COL25A1: variants seen among roughly 807,000 people sequenced by gnomAD.
The protein encoded by COL25A1 is collagen type XXV alpha 1 chain, also known as collagen alpha-1(XXV) chain.
COL25A1 carries 103 observed loss-of-function variants against 128.4 expected under a neutral mutation model. The ratio of observed to expected loss-of-function variants is 0.80; its 90% CI spans 0.68 to 0.94. COL25A1 has a LOEUF of 0.94. COL25A1 is among the 40% of genes least tolerant of loss of function. The probability of loss-of-function intolerance (pLI) is 0.00; values close to 1 mark genes in which losing one functional copy is unlikely to be tolerated. For missense variants in COL25A1, 745 were observed against 840.0 expected, an observed-to-expected ratio of 0.89 and a Z score of 1.40; for synonymous variants, 279 against 277.2, an observed-to-expected ratio of 1.01 and a Z score of -0.06.
At chr4:109,090,664 G>A (rs116512016) in intron 3 of COL25A1, among the ~76,000 whole-genome samples, 4 of 152,204 alleles carry the variant, frequency 2.6e-5, no homozygotes, top group African/African-American at 7.2e-5. Context: ...TTACTACTTA[G>A]TTTCACCCAC....
intron 6 of COL25A1, among the ~76,000 whole-genome samples, chr4:109,006,378 A>ATTTTTTTTTTTTTTTTTTTTTTTTTTT (rs56845799): frequency 1.3e-4 from 7 of 51,874 alleles, no homozygotes; most frequent in East Asian, 8.6e-4. Context: ...CACCCAGCTA[A>ATTTTTTTTTTTTTTTTTTTTTTTTTTT]TTTTTTTTTT....
intron 13 of COL25A1, among the ~76,000 whole-genome samples, chr4:108,910,580 A>G (rs558038293): frequency 7.9e-5 from 12 of 152,334 alleles, no homozygotes; most frequent in African/African-American, 2.9e-4. Context: ...CGGCAAAGCT[A>G]GGGTTTTCTG....
intron 8 of COL25A1, among the ~76,000 whole-genome samples, chr4:108,944,110 A>G (rs1296023506): frequency 6.6e-6 from 1 of 152,196 alleles, no homozygotes; most frequent in Non-Finnish European, 1.5e-5. Flanking sequence ...TTTGACTCTC[A>G]GTCTTCGGTA....
intron 3 of COL25A1, among the ~76,000 whole-genome samples, chr4:109,102,970 T>C (rs534994487): frequency 3.3e-5 from 5 of 152,304 alleles, no homozygotes; most frequent in Non-Finnish European, 7.4e-5. Flanking sequence ...TAACTTGCTG[T>C]GTATTTAAGC....
chr4:109,105,429 G>A (rs7696508), intron 3 of COL25A1, among the ~76,000 whole-genome samples: 16,724 of 152,180 alleles, frequency 0.11, 1,170 homozygotes, highest in African/African-American at 0.19. Context: ...AGCCAAGATC[G>A]TGCCACTGCA....
intron 13 of COL25A1, among the ~76,000 whole-genome samples, chr4:108,911,881 C>T (rs1452830750): frequency 1.4e-5 from 2 of 146,540 alleles, no homozygotes; most frequent in Admixed American, 6.9e-5. Flanking sequence ...CAATCCCAAT[C>T]GTTCAACTGT....
intron 3 of COL25A1, among the ~76,000 whole-genome samples, chr4:109,210,244 C>CA (rs1265609105): frequency 6.6e-6 from 1 of 151,938 alleles, no homozygotes; most frequent in Non-Finnish European, 1.5e-5. Context: ...ATATGGTTGT[C>CA]AAAAAACTCC....
At chr4:109,027,691 A>C (rs1758435561) in intron 5 of COL25A1, among the ~76,000 whole-genome samples, 1 of 151,924 alleles carries the variant, frequency 6.6e-6, no homozygotes, top group South Asian at 2.1e-4. Flanking sequence ...CCAAGGAGGT[A>C]AAAAGTGGTC....
At chr4:109,079,864 A>T (rs1371067731) in intron 3 of COL25A1, among the ~76,000 whole-genome samples, 2 of 148,142 alleles carry the variant, frequency 1.4e-5, no homozygotes, top group Non-Finnish European at 3.0e-5. Context: ...ATAATTAGAG[A>T]CTACAGGGGC....
At chr4:109,095,116 G>A (rs1443921751) in intron 3 of COL25A1, among the ~76,000 whole-genome samples, 1 of 152,184 alleles carries the variant, frequency 6.6e-6, no homozygotes, top group African/African-American at 2.4e-5. Context: ...AAAAGTTCAA[G>A]CACATGTAAC....
intron 3 of COL25A1, among the ~76,000 whole-genome samples, chr4:109,224,972 A>G (rs2126213878): frequency 6.6e-6 from 1 of 152,232 alleles, no homozygotes; most frequent in South Asian, 2.1e-4. Flanking sequence ...CTATACAAGC[A>G]TACATACAAA....
At position 108,937,938 on chromosome 4, in the gene COL25A1, G is replaced by A. The variant is rs111978589; in HGVS notation, c.673-95C>T. The A allele has an allele frequency of 8.1e-4, 738 of 916,716 alleles. 3 individuals carry two copies. In the African/African-American group the frequency reaches 0.011, roughly 13 times the overall value. The allele number at this position is 916,716 out of a possible 1,614,324, so 56.8% of individuals were successfully genotyped here. ...TCTTCTTTGACTGGGGCATGTAAAT[G>A]TCAAATATATTTCTTCAGGTTAAAT... On this transcript the variant is annotated intron_variant, in intron 10 of 37. Coordinates refer to ENST00000399132, the MANE Select transcript of COL25A1 (RefSeq NM_198721.4).
In COL25A1 at chr4:108,860,938, G is replaced by C. The variant is rs765705890; in HGVS notation, c.1231C>G (p.Gln411Glu). The change falls in exon 23 of 38, where the codon CAG becomes GAG. Residue 411 changes from glutamine to glutamate, a missense_variant. Coordinates refer to ENST00000399132, the MANE Select transcript of COL25A1 (RefSeq NM_198721.4). ...AGAGGAACACTCACCCTTGGTCCCT[G>C]AGCTCCAGAGTCCCCTTTTTCTCCA... Reference protein sequence around the residue: ...DRGEKGDSGAQGPRGPPGQKG... With the variant: ...DRGEKGDSGAEGPRGPPGQKG... 6.8e-6 allele frequency: 11 copies of C among 1,613,782 alleles called. No homozygotes were observed. The South Asian group carries it at 1.2e-4, about 18-fold the overall frequency.
At chr4:109,120,579 C>A (rs1768020516) in intron 3 of COL25A1, among the ~76,000 whole-genome samples, 1 of 151,938 alleles carries the variant, frequency 6.6e-6, no homozygotes, top group Non-Finnish European at 1.5e-5. Flanking sequence ...GAGGCCAAGG[C>A]TAGTGGATTG....
chr4:109,026,252 G>A (rs542013639), intron 5 of COL25A1, among the ~76,000 whole-genome samples: 30 of 152,160 alleles, frequency 2.0e-4, no homozygotes, highest in African/African-American at 7.0e-4. Context: ...GAGGAAAAGT[G>A]TTCCAAAATG....
chr4:108,996,942 C>T (rs552901345), intron 6 of COL25A1, among the ~76,000 whole-genome samples: 5 of 152,130 alleles, frequency 3.3e-5, no homozygotes, highest in African/African-American at 9.7e-5. Flanking sequence ...AACAAAGACA[C>T]GATGTACCAG....
chr4:108,842,503 A>C (rs1048200923), intron 30 of COL25A1, among the ~76,000 whole-genome samples: 2 of 152,230 alleles, frequency 1.3e-5, no homozygotes, highest in African/African-American at 2.4e-5. Flanking sequence ...TAAACAAACT[A>C]TTTGGAGAAA....
chr4:109,149,964 GTGTGTATGTA>G (rs879720225), intron 3 of COL25A1, among the ~76,000 whole-genome samples: 71 of 151,004 alleles, frequency 4.7e-4, no homozygotes, highest in African/African-American at 1.6e-3. Flanking sequence ...GTGTGTACCT[GTGTGTATGTA>G]TGTGTATGTA....
intron 3 of COL25A1, among the ~76,000 whole-genome samples, chr4:109,096,040 G>A (rs1205768579): frequency 6.6e-6 from 1 of 152,208 alleles, no homozygotes; most frequent in Non-Finnish European, 1.5e-5. Flanking sequence ...TCTGGAATTG[G>A]AATGACGGGT....
Sources: gnomAD v4.1 joint callset for allele counts (sites outside exome capture counted in the v4.1 genomes callset) on GRCh38, gnomAD v4.1.1 for gene constraint, MANE v1.5 for transcripts, NCBI Gene and HGNC (gene_info 2026-07-23, HGNC 2026-07-21) for gene names.